The following GRM5 variants were observed in gnomAD, a reference collection of about 807,000 sequenced individuals.
GRM5 encodes the protein glutamate metabotropic receptor 5.
A neutral mutation model predicts 83.1 loss-of-function variants in GRM5; 19 were observed. The observed-to-expected ratio is 0.23, with a 90% CI of 0.16 to 0.34. GRM5 has a LOEUF of 0.34. GRM5 is among the 10% of genes least tolerant of loss of function. The pLI is 1.00. For missense variants in GRM5, 1,160 were observed against 1,588.3 expected (o/e 0.73, Z 4.58); for synonymous variants, 675 against 633.6 (o/e 1.07, Z -0.98).
chr11:88,954,412 A>G (rs598134), intron 2 of GRM5, among the ~76,000 whole-genome samples: 48,970 of 152,014 alleles, frequency 0.32, 8,663 homozygotes, highest in East Asian at 0.44. Flanking sequence ...TAAGGTAAGT[A>G]AAGTGAATGT....
intron 2 of GRM5, among the ~76,000 whole-genome samples, chr11:88,900,185 T>G (rs1945293448): frequency 6.6e-6 from 1 of 152,082 alleles, no homozygotes; most frequent in Admixed American, 6.6e-5. Flanking sequence ...CTACACAGAC[T>G]AGAGTGGATA....
intron 2 of GRM5, among the ~76,000 whole-genome samples, chr11:88,909,645 T>C (rs1417920341): frequency 6.6e-6 from 1 of 152,018 alleles, no homozygotes; most frequent in Non-Finnish European, 1.5e-5. Context: ...CTATGTTTGC[T>C]TGTTGTTTCT....
chr11:88,529,700 A>G (rs1241536043), intron 8 of GRM5, among the ~76,000 whole-genome samples: 1 of 151,978 alleles, frequency 6.6e-6, no homozygotes, highest in Admixed American at 6.6e-5. Flanking sequence ...TACTACAGTT[A>G]TGCATGTGAG....
chr11:88,525,284 C>G (rs200670043), intron 9 of GRM5, 25 bp downstream of exon 9: 4 of 1,345,002 alleles, frequency 3.0e-6, no homozygotes, highest in Non-Finnish European at 4.3e-6. Flanking sequence ...TTCACACCAC[C>G]TCAGGCCACT....
chr11:88,800,284 G>C (rs1332242807), intron 3 of GRM5, among the ~76,000 whole-genome samples: 1 of 151,900 alleles, frequency 6.6e-6, no homozygotes, highest in Non-Finnish European at 1.5e-5. Flanking sequence ...TCTTATGTAG[G>C]ACTCTCCAGC....
intron 2 of GRM5, among the ~76,000 whole-genome samples, chr11:88,967,248 CATAT>C (rs61389354): frequency 0.049 from 6,978 of 141,482 alleles, 309 homozygotes; most frequent in East Asian, 0.16. Context: ...TATATATACA[CATAT>C]ATATATATAT....
At chr11:88,931,048 TA>T (rs1194917888) in intron 2 of GRM5, among the ~76,000 whole-genome samples, 2 of 137,534 alleles carry the variant, frequency 1.5e-5, no homozygotes, top group Non-Finnish European at 3.1e-5. Context: ...TACAGGTATA[TA>T]AAAATGGAGG....
At chr11:88,819,134 T>C (rs1267052410) in intron 3 of GRM5, among the ~76,000 whole-genome samples, 1 of 152,186 alleles carries the variant, frequency 6.6e-6, no homozygotes. Context: ...AGAGAGGCAG[T>C]CCTAATAGAG....
intron 4 of GRM5, among the ~76,000 whole-genome samples, chr11:88,608,319 C>G (rs529824190): frequency 6.6e-6 from 1 of 152,242 alleles, no homozygotes; most frequent in South Asian, 2.1e-4. Flanking sequence ...AGGCATAATC[C>G]TCTCTGTGAG....
intron 3 of GRM5, among the ~76,000 whole-genome samples, chr11:88,722,934 T>C (rs999229808): frequency 6.6e-6 from 1 of 151,556 alleles, no homozygotes; most frequent in Non-Finnish European, 1.5e-5. Context: ...TTTTGACAAA[T>C]TTATAATGAC....
At chr11:88,628,966 A>G (rs117896000) in intron 4 of GRM5, among the ~76,000 whole-genome samples, 1 of 152,262 alleles carries the variant, frequency 6.6e-6, no homozygotes, top group East Asian at 1.9e-4. Context: ...GCAGGCCTCT[A>G]AGTAGCACAC....
At chr11:88,657,176 G>A (rs1174132159) in intron 3 of GRM5, among the ~76,000 whole-genome samples, 4 of 152,118 alleles carry the variant, frequency 2.6e-5, no homozygotes, top group South Asian at 4.1e-4. Flanking sequence ...TGATGAACAC[G>A]TTGTGACTAA....
chr11:88,966,558 C>G (rs1938970142), intron 2 of GRM5, among the ~76,000 whole-genome samples: 1 of 152,204 alleles, frequency 6.6e-6, no homozygotes, highest in Non-Finnish European at 1.5e-5. Flanking sequence ...TTGTGAGCAA[C>G]TCTATATCCA....
At chr11:88,874,252 A>G (rs1944814416) in intron 2 of GRM5, among the ~76,000 whole-genome samples, 1 of 151,934 alleles carries the variant, frequency 6.6e-6, no homozygotes, top group Non-Finnish European at 1.5e-5. Context: ...ATATAGATCA[A>G]TGGAACAGAA....
At chr11:89,037,689 C>T (rs1177265690) in intron 2 of GRM5, among the ~76,000 whole-genome samples, 1 of 152,012 alleles carries the variant, frequency 6.6e-6, no homozygotes, top group African/African-American at 2.4e-5. Context: ...TCTATCATTT[C>T]CTACCATGGG....
chr11:88,820,355 A>G (rs1195452243), intron 3 of GRM5, among the ~76,000 whole-genome samples: 1 of 142,226 alleles, frequency 7.0e-6, no homozygotes, highest in East Asian at 2.1e-4. Context: ...AGCCTGGGCA[A>G]CAGAGCAAAA....
At chr11:88,784,345 T>C (rs987223865) in intron 3 of GRM5, among the ~76,000 whole-genome samples, 1 of 152,096 alleles carries the variant, frequency 6.6e-6, no homozygotes, top group African/African-American at 2.4e-5. Context: ...TTTCCTATTC[T>C]CCACTTATGT....
intron 2 of GRM5, among the ~76,000 whole-genome samples, chr11:88,887,997 C>T (rs1395223761): frequency 1.1e-4 from 17 of 152,140 alleles, no homozygotes; most frequent in Admixed American, 1.0e-3. Flanking sequence ...TTCCAGTCTG[C>T]CTTAACCGGG....
chr11:88,653,830 A>T (rs1375230127), intron 3 of GRM5, among the ~76,000 whole-genome samples: 1 of 152,122 alleles, frequency 6.6e-6, no homozygotes, highest in Non-Finnish European at 1.5e-5. Context: ...TAAGAATTAA[A>T]AATATTCTCC....
Sources: gnomAD v4.1 joint callset for allele counts (sites outside exome capture counted in the v4.1 genomes callset) on GRCh38, gnomAD v4.1.1 for gene constraint, MANE v1.5 for transcripts, NCBI Gene and HGNC (gene_info 2026-07-23, HGNC 2026-07-21) for gene names.